Variants in FAM13A observed in about 807,000 individuals in gnomAD.
FAM13A encodes family with sequence similarity 13 member A.
In FAM13A, 76 loss-of-function variants were observed where a neutral mutation model predicts 129.6. The ratio of observed to expected loss-of-function variants is 0.59; its 90% CI spans 0.49 to 0.71. FAM13A has a LOEUF of 0.71. Ranked by LOEUF, FAM13A falls within the 30% of genes least tolerant of loss-of-function variation. FAM13A has a pLI of 0.00. For missense variants in FAM13A, 1,108 were observed against 1,249.3 expected (o/e 0.89, Z 1.70); for synonymous variants, 443 against 449.9 (o/e 0.98, Z 0.20).
chr4:88,759,430 T>C (rs1744359957), intron 13 of FAM13A: 1 of 152,984 alleles, frequency 6.5e-6, no homozygotes, highest in Admixed American at 6.5e-5. Context: ...CATTCCCAGA[T>C]TTCCTGTGGT....
chr4:88,753,647 G>T, intron 14 of FAM13A: 1 of 944,226 alleles, frequency 1.1e-6, no homozygotes, highest in Non-Finnish European at 1.3e-6. Flanking sequence ...TCTCTTTTCT[G>T]TTATTCGATA....
At chr4:89,055,060 T>A (rs190672200) in intron 1 of FAM13A, among the ~76,000 whole-genome samples, 6 of 152,348 alleles carry the variant, frequency 3.9e-5, no homozygotes, top group Admixed American at 2.6e-4. Flanking sequence ...AATAAATTTG[T>A]AACTCTTTTT....
At chr4:88,906,246 C>T (rs1748141471) in intron 6 of FAM13A, 133 bp downstream of exon 6, 1 of 641,552 alleles carries the variant, frequency 1.6e-6, no homozygotes, top group African/African-American at 1.9e-5. Context: ...TGAGATTGCG[C>T]CACTGCACTC....
At chr4:89,029,038 G>A (rs1030336137) in intron 2 of FAM13A, among the ~76,000 whole-genome samples, 1 of 152,142 alleles carries the variant, frequency 6.6e-6, no homozygotes, top group African/African-American at 2.4e-5. Context: ...TCTCTCCTAA[G>A]TGTATGAGGA....
Position 89,051,970 on chromosome 4 carries a change from G to A in FAM13A, c.27+4968C>T, listed in dbSNP as rs192738836. Among the ~76,000 whole-genome samples, 255 of 152,276 alleles carry A rather than the reference G, an allele frequency of 1.7e-3. 3 individuals are homozygous for A. The highest frequency in any genetic ancestry group is 2.8e-3 in the Non-Finnish European group (188 of 68,024). ...CTGCCCCCATGGCTTTGGTGGGTTG[G>A]TCCTGCAGCAACTCTCTGCCTAAAT... On this transcript the variant is annotated intron_variant, in intron 1 of 23. Coordinates refer to ENST00000264344, the MANE Select transcript of FAM13A (RefSeq NM_014883.4).
chr4:88,779,013 C>A (rs1409475915), intron 11 of FAM13A, among the ~76,000 whole-genome samples: 8 of 152,140 alleles, frequency 5.3e-5, no homozygotes, highest in Admixed American at 5.2e-4. Context: ...CATCCCTTGC[C>A]CCCTCACAGG....
At chr4:88,832,629 A>C (rs1734079310) in intron 7 of FAM13A, among the ~76,000 whole-genome samples, 1 of 152,244 alleles carries the variant, frequency 6.6e-6, no homozygotes, top group African/African-American at 2.4e-5. Flanking sequence ...ACATGAAAAA[A>C]AGCTCAACAG....
chr4:89,042,020 AG>A (rs1031304843), intron 1 of FAM13A, among the ~76,000 whole-genome samples: 8 of 152,032 alleles, frequency 5.3e-5, no homozygotes, highest in African/African-American at 1.7e-4. Flanking sequence ...TTGCGCTGGT[AG>A]GGAACAAAGT....
At chr4:88,824,633 C>T (rs965893035) in intron 7 of FAM13A, among the ~76,000 whole-genome samples, 36 of 152,142 alleles carry the variant, frequency 2.4e-4, no homozygotes, top group Admixed American at 2.3e-3. Flanking sequence ...TTTCTAGTAA[C>T]ATAACTTAGT....
Position 88,768,471 on chromosome 4 carries a change from CTATA to C in FAM13A, c.1459-416_1459-413del, listed in dbSNP as rs200517460. 7.4e-3 allele frequency: 1,198 copies of C among 161,112 alleles called. 18 individuals are homozygous for C. Among genetic ancestry groups the C allele is most frequent in the African/African-American group, 0.027 (1,119 of 41,580 alleles). The allele number at this position is 161,112 out of a possible 1,614,324, so 10.0% of individuals were successfully genotyped here. ...ATTTACTCTCTCTCTATCTATCTAT[CTATA>C]TAAGAACGTATATATACATATGCAC... is the stretch of plus-strand genomic sequence containing the variant. On this transcript the variant is annotated intron_variant, in intron 11 of 23. Coordinates refer to ENST00000264344, the MANE Select transcript of FAM13A (RefSeq NM_014883.4).
intron 4 of FAM13A, among the ~76,000 whole-genome samples, chr4:88,970,031 C>T (rs1759863102): frequency 6.6e-6 from 1 of 152,210 alleles, no homozygotes; most frequent in Admixed American, 6.5e-5. Flanking sequence ...GCTATCACAT[C>T]ACCCTATTTC....
In FAM13A at chr4:88,747,634, A is replaced by G; in HGVS notation, c.2379T>C (p.Ile793=). ...GCACTTCACAGAATGATCGCACCTTAATGTCCTCAGGGCGGCTGCTTTCCG... is the reference window on the plus strand; with the variant it reads ...GCACTTCACAGAATGATCGCACCTTGATGTCCTCAGGGCGGCTGCTTTCCG... The part of the protein sequence containing the change: ...KRAESSRPED[I]KDMTKDQIAN... The change falls in exon 18 of 24, where the codon ATT becomes ATC. Residue 793 remains isoleucine, a synonymous_variant. Coordinates refer to ENST00000264344, the MANE Select transcript of FAM13A (RefSeq NM_014883.4). 6.2e-7 allele frequency: 1 copy of G among 1,613,624 alleles called. No homozygotes were observed. The highest frequency in any genetic ancestry group is 1.1e-5 in the South Asian group (1 of 91,068).
chr4:88,880,214 G>T (rs1303866198), intron 6 of FAM13A, among the ~76,000 whole-genome samples: 2 of 152,096 alleles, frequency 1.3e-5, no homozygotes, highest in Non-Finnish European at 2.9e-5. Flanking sequence ...TGAAGGAAGT[G>T]GATTGCTGCT....
At chr4:88,909,838 T>A (rs953131729) in intron 5 of FAM13A, among the ~76,000 whole-genome samples, 1 of 152,188 alleles carries the variant, frequency 6.6e-6, no homozygotes, top group Non-Finnish European at 1.5e-5. Flanking sequence ...ATGGTGATGA[T>A]TGCACAGTTT....
intron 4 of FAM13A, among the ~76,000 whole-genome samples, chr4:88,947,676 C>CT (rs568560540): frequency 7.0e-4 from 103 of 147,266 alleles, no homozygotes; most frequent in East Asian, 1.2e-3. Flanking sequence ...TTCTTTAGTC[C>CT]TTTTTTTTTT....
At chr4:88,929,521 A>G (rs1215755297) in intron 5 of FAM13A, among the ~76,000 whole-genome samples, 1 of 152,036 alleles carries the variant, frequency 6.6e-6, no homozygotes, top group African/African-American at 2.4e-5. Flanking sequence ...AGGAATGCCA[A>G]TAATTTGTAA....
At chr4:88,822,848 CAT>C in intron 7 of FAM13A, 3 of 1,305,752 alleles carry the variant, frequency 2.3e-6, no homozygotes, top group Non-Finnish European at 3.1e-6. Flanking sequence ...AGGGAGGAAC[CAT>C]ATGTACAACG....
intron 21 of FAM13A, among the ~76,000 whole-genome samples, chr4:88,736,970 C>T (rs1300839071): frequency 6.6e-6 from 1 of 152,100 alleles, no homozygotes; most frequent in Non-Finnish European, 1.5e-5. Flanking sequence ...TCAAAGACTA[C>T]TAAGATATTT....
chr4:88,889,055 G>A (rs112142946), intron 6 of FAM13A, among the ~76,000 whole-genome samples: 1 of 152,186 alleles, frequency 6.6e-6, no homozygotes, highest in Non-Finnish European at 1.5e-5. Flanking sequence ...TGACAAGGAG[G>A]GGAATCGCAG....
Sources: allele counts gnomAD v4.1 joint callset (sites outside exome capture counted in the v4.1 genomes callset), GRCh38; gene constraint gnomAD v4.1.1; transcripts MANE v1.5; gene names NCBI Gene and HGNC (gene_info 2026-07-23, HGNC 2026-07-21).